Variants in GRIA4 observed in about 807,000 individuals in gnomAD.
GRIA4 encodes glutamate receptor 4.
Under a neutral mutation model 104.0 loss-of-function variants are expected in GRIA4, and 34 were observed. The ratio of observed to expected loss-of-function variants is 0.33; its 90% CI spans 0.25 to 0.44. The LOEUF (loss-of-function observed/expected upper bound fraction) is 0.44, where lower values mean the gene tolerates loss of function less well. Among genes scored for constraint, GRIA4 ranks in the 20% least tolerant of loss-of-function variants. The pLI is 1.00. For missense variants in GRIA4, 750 were observed against 1,096.5 expected (o/e 0.68, Z 4.46); for synonymous variants, 386 against 381.9 (o/e 1.01, Z -0.13).
intron 16 of GRIA4, among the ~76,000 whole-genome samples, chr11:105,978,743 T>C (rs141497747): frequency 6.6e-6 from 1 of 152,272 alleles, no homozygotes; most frequent in Non-Finnish European, 1.5e-5. Context: ...TAAGTTATAA[T>C]TCTAGCTACT....
intron 14 of GRIA4, among the ~76,000 whole-genome samples, chr11:105,941,231 A>G (rs1205109441): frequency 6.6e-6 from 1 of 152,218 alleles, no homozygotes. Context: ...GCATCAAAAA[A>G]GTCTTTTTTT....
At chr11:105,879,645 G>A (rs746226253) in intron 5 of GRIA4, among the ~76,000 whole-genome samples, 1 of 152,136 alleles carries the variant, frequency 6.6e-6, no homozygotes, top group Admixed American at 6.6e-5. Context: ...CATACAAAAT[G>A]GAATTAGGAG....
intron 7 of GRIA4, 114 bp from the exon 8 acceptor site, chr11:105,903,700 C>G (rs1466208907): frequency 1.5e-6 from 1 of 682,312 alleles, no homozygotes; most frequent in African/African-American, 1.9e-5. Flanking sequence ...AGTAATTTAA[C>G]CATCCTTCAG....
intron 14 of GRIA4, among the ~76,000 whole-genome samples, chr11:105,957,678 T>C (rs1425173883): frequency 3.9e-5 from 6 of 152,222 alleles, no homozygotes; most frequent in African/African-American, 1.2e-4. Context: ...GGGGATGGCA[T>C]TGAATCTATA....
intron 3 of GRIA4, among the ~76,000 whole-genome samples, chr11:105,697,616 G>C (rs999789548): frequency 2.6e-5 from 4 of 152,144 alleles, no homozygotes; most frequent in African/African-American, 9.7e-5. Flanking sequence ...TGAATTGTTT[G>C]GAAGCCAAGC....
intron 16 of GRIA4, among the ~76,000 whole-genome samples, chr11:105,977,325 T>C (rs1209507164): frequency 6.6e-6 from 1 of 152,024 alleles, no homozygotes; most frequent in Non-Finnish European, 1.5e-5. Context: ...CTACCTTTCC[T>C]GAATCTCTTG....
chr11:105,800,597 A>T (rs1942679348), intron 4 of GRIA4, among the ~76,000 whole-genome samples: 1 of 152,104 alleles, frequency 6.6e-6, no homozygotes, highest in African/African-American at 2.4e-5. Flanking sequence ...CAGCATATTT[A>T]AATTCAGACA....
intron 14 of GRIA4, among the ~76,000 whole-genome samples, chr11:105,950,551 A>G (rs1365817325): frequency 5.0e-5 from 1 of 20,028 alleles, no homozygotes; most frequent in African/African-American, 2.4e-4. Context: ...TGTATGTATG[A>G]AAAAAAAGAC....
At chr11:105,901,634 A>G (rs1946857919) in intron 7 of GRIA4, among the ~76,000 whole-genome samples, 1 of 152,196 alleles carries the variant, frequency 6.6e-6, no homozygotes, top group South Asian at 2.1e-4. Context: ...CTTTCCGTCT[A>G]TCAGCTCTAT....
At chr11:105,870,547 CA>C (rs10706239) in intron 5 of GRIA4, among the ~76,000 whole-genome samples, 71,279 of 140,052 alleles carry the variant, frequency 0.51, 16,928 homozygotes, top group Admixed American at 0.55. Context: ...TGGAAAGGTA[CA>C]AAAAAAAAAA....
At position 105,825,589 on chromosome 11, in the gene GRIA4, G is replaced by A. The variant is rs538660905; in HGVS notation, c.488-36435G>A. ...TGCCTCAGATATTCAGTTTCAGCAA[G>A]AATACAGTAATTTACAAGAGCATGT... On this transcript the variant is annotated intron_variant, in intron 4 of 16. Transcript: ENST00000282499. Among the ~76,000 whole-genome samples the A allele has an allele frequency of 3.3e-5, 5 of 152,116 alleles. No homozygotes were observed. The East Asian group carries it at 9.7e-4, about 30-fold the overall frequency.
rs187441987 is a variant in GRIA4, at chr11:105,686,343, C to A, written c.248-66638C>A. Among the ~76,000 whole-genome samples the A allele has an allele frequency of 5.3e-5, 8 of 152,214 alleles. No homozygotes were observed. The East Asian group carries it at 1.5e-3, about 29-fold the overall frequency. On this transcript the variant is annotated intron_variant, in intron 3 of 16. Coordinates refer to ENST00000282499, the MANE Select transcript of GRIA4 (RefSeq NM_000829.4). The stretch of plus-strand genomic sequence containing the variant: ...AGTGGTTTTTGGTTTAATGTTCCTG[C>A]GTTAATTCACTTAAGCTAGTGGCTT...
chr11:105,921,309 G>GTA (rs1267141720), intron 11 of GRIA4, among the ~76,000 whole-genome samples: 1 of 99,612 alleles, frequency 1.0e-5, no homozygotes, highest in Non-Finnish European at 2.2e-5. Context: ...ACACTTGGGT[G>GTA]TGTGTGTGTG....
intron 3 of GRIA4, among the ~76,000 whole-genome samples, chr11:105,662,181 T>A (rs993038765): frequency 3.3e-5 from 5 of 151,866 alleles, no homozygotes; most frequent in African/African-American, 1.2e-4. Context: ...TAAACTAGAT[T>A]AAAAATTTGG....
At chr11:105,654,881 T>C (rs890788414) in intron 3 of GRIA4, among the ~76,000 whole-genome samples, 2 of 152,102 alleles carry the variant, frequency 1.3e-5, no homozygotes, top group East Asian at 1.9e-4. Context: ...CACAAACCCC[T>C]CTCAAAAACC....
chr11:105,853,603 G>T (rs1432823274), intron 4 of GRIA4, among the ~76,000 whole-genome samples: 1 of 152,152 alleles, frequency 6.6e-6, no homozygotes, highest in African/African-American at 2.4e-5. Context: ...TCTCTGGGAT[G>T]AACAATAAGA....
At chr11:105,644,533 G>A (rs1047099563) in intron 3 of GRIA4, among the ~76,000 whole-genome samples, 23 of 152,144 alleles carry the variant, frequency 1.5e-4, no homozygotes, top group African/African-American at 5.1e-4. Context: ...GAACCTGGGA[G>A]ATGGAGGTTG....
chr11:105,850,545 G>C (rs1944769471), intron 4 of GRIA4, among the ~76,000 whole-genome samples: 1 of 152,176 alleles, frequency 6.6e-6, no homozygotes, highest in African/African-American at 2.4e-5. Flanking sequence ...TCCTTACAGA[G>C]AGAAGGCAGT....
At position 105,959,310 on chromosome 11, in the gene GRIA4, T is replaced by C. The variant is rs1348600856; in HGVS notation, c.2295-12604T>C. Among the ~76,000 whole-genome samples the C allele has an allele frequency of 2.0e-5, 3 of 152,214 alleles. No homozygotes were observed. The East Asian group carries it at 5.8e-4, about 29-fold the overall frequency. On this transcript the variant is annotated intron_variant, in intron 14 of 16. Transcript: ENST00000282499. ...AGACTTTGTTCATTCTTTTTCATTC[T>C]TTTTTCTCTATTCTTGTCTGTATGT...
Sources: allele counts gnomAD v4.1 joint callset (sites outside exome capture counted in the v4.1 genomes callset), GRCh38; gene constraint gnomAD v4.1.1; transcripts MANE v1.5; gene names NCBI Gene and HGNC (gene_info 2026-07-23, HGNC 2026-07-21).